Variants in ACSS3 observed in about 807,000 individuals in gnomAD.
ACSS3 encodes acyl-CoA synthetase short-chain family member 3, mitochondrial.
Under a neutral mutation model 84.2 loss-of-function variants are expected in ACSS3, and 64 were observed. The observed-to-expected ratio is 0.76, with a 90% CI of 0.62 to 0.94. The LOEUF is 0.94. Among genes scored for constraint, ACSS3 ranks in the 40% least tolerant of loss-of-function variants. The probability of loss-of-function intolerance (pLI) is 0.00; values close to 1 mark genes in which losing one functional copy is unlikely to be tolerated. For missense variants in ACSS3, 815 were observed against 867.6 expected (o/e 0.94, Z 0.76); for synonymous variants, 317 against 310.1 (o/e 1.02, Z -0.23).
chr12:81,153,676 G>A (rs1886727120), intron 7 of ACSS3, among the ~76,000 whole-genome samples: 1 of 152,170 alleles, frequency 6.6e-6, no homozygotes, highest in East Asian at 1.9e-4. Context: ...GGATTGTGAA[G>A]TAAAGGGAAT....
At chr12:81,120,148 G>A (rs1335127537) in intron 2 of ACSS3, among the ~76,000 whole-genome samples, 1 of 152,162 alleles carries the variant, frequency 6.6e-6, no homozygotes, top group African/African-American at 2.4e-5. Context: ...TATCCAAGAG[G>A]TGGATTTGAC....
chr12:81,126,834 G>T (rs1465026321), intron 2 of ACSS3, among the ~76,000 whole-genome samples: 1 of 152,048 alleles, frequency 6.6e-6, no homozygotes, highest in Admixed American at 6.6e-5. Flanking sequence ...AACTGGTAAT[G>T]AGAAAAATGA....
At chr12:81,205,412 T>G (rs550651775) in intron 9 of ACSS3, among the ~76,000 whole-genome samples, 2 of 152,242 alleles carry the variant, frequency 1.3e-5, no homozygotes, top group Non-Finnish European at 2.9e-5. Context: ...CTTAGGGATA[T>G]CTGGAGAAGA....
chr12:81,098,149 A>AGT (rs1297818893), intron 1 of ACSS3, among the ~76,000 whole-genome samples: 1,635 of 109,928 alleles, frequency 0.015, 51 homozygotes, highest in East Asian at 0.13. Context: ...AGAGAGAGAG[A>AGT]GAGTGTGTGT....
In ACSS3 at chr12:81,194,341, T is replaced by C. The variant is rs576460290; in HGVS notation, c.1251-5000T>C. ...TAGATTTGTATTCTGTTTATGTTCC[T>C]TAGTATTATACAATTAGCAGTCTGT... On this transcript the variant is annotated intron_variant, in intron 8 of 15. Coordinates refer to ENST00000548058, the MANE Select transcript of ACSS3 (RefSeq NM_024560.4). 5.0e-4 allele frequency among the ~76,000 whole-genome samples: 76 copies of C among 152,030 alleles called. 1 individual carries two copies. Among genetic ancestry groups the C allele is most frequent in the Admixed American group, 1.2e-3 (18 of 15,266 alleles).
intron 2 of ACSS3, chr12:81,125,863 T>A (rs1296648990): frequency 1.3e-5 from 2 of 152,238 alleles, no homozygotes; most frequent in Admixed American, 1.3e-4. Context: ...AAACCCAAAC[T>A]GTGGCCCCAT....
chr12:81,223,268 G>A (rs890268220), intron 11 of ACSS3, among the ~76,000 whole-genome samples: 3 of 151,998 alleles, frequency 2.0e-5, no homozygotes, highest in Non-Finnish European at 4.4e-5. Context: ...GCCATGGTGG[G>A]GTGCAAGGGA....
At chr12:81,248,146 A>T (rs920712760) in intron 13 of ACSS3, among the ~76,000 whole-genome samples, 1 of 151,984 alleles carries the variant, frequency 6.6e-6, no homozygotes, top group African/African-American at 2.4e-5. Context: ...AATAGCATGG[A>T]GATTTTTCGA....
At chr12:81,077,935 T>C, upstream of ACSS3, 1 of 650,022 alleles carries the variant, frequency 1.5e-6, no homozygotes, top group Non-Finnish European at 2.4e-6. Context: ...GCCCCCACTT[T>C]AGCCTGTTGC....
At chr12:81,092,851 G>A (rs965804509) in intron 1 of ACSS3, among the ~76,000 whole-genome samples, 4 of 152,094 alleles carry the variant, frequency 2.6e-5, no homozygotes, top group Non-Finnish European at 5.9e-5. Context: ...GATGTACTTC[G>A]TAACATTGTT....
At chr12:81,213,583 TCCC>T (rs1172110041) in intron 9 of ACSS3, among the ~76,000 whole-genome samples, 12,069 of 22,952 alleles carry the variant, frequency 0.53, 3,777 homozygotes, top group Non-Finnish European at 0.6. Flanking sequence ...TCTCCTCTCC[TCCC>T]CTCCCCTCCC....
At chr12:81,137,156 A>G (rs1885847591) in intron 3 of ACSS3, among the ~76,000 whole-genome samples, 1 of 151,454 alleles carries the variant, frequency 6.6e-6, no homozygotes, top group Admixed American at 6.6e-5. Context: ...TTCTTTTTAA[A>G]CATGTTGAGT....
In ACSS3 at chr12:81,131,663, G is replaced by T. The variant is rs185872474; in HGVS notation, c.457-3153G>T. Among the ~76,000 whole-genome samples the T allele has an allele frequency of 7.8e-4, 119 of 152,302 alleles. 1 individual carries two copies. Among genetic ancestry groups the T allele is most frequent in the African/African-American group, 2.8e-3 (118 of 41,564 alleles). On this transcript the variant is annotated intron_variant, in intron 2 of 15. Coordinates refer to ENST00000548058, the MANE Select transcript of ACSS3 (RefSeq NM_024560.4). ...CCCTGGCCAGAACTTCCAACACTAT[G>T]TTGAATAGGAGTGGTGAGAGAGGGC... is the stretch of plus-strand genomic sequence containing the variant.
At position 81,195,776 on chromosome 12, in the gene ACSS3, G is replaced by T. The variant is rs568782294; in HGVS notation, c.1251-3565G>T. Reference sequence around the variant, plus strand: ...AATTTCTTAACAATGACTAGTAATAGGTTATGCTCTTATCTGAAATTTAAA... The same window carrying T: ...AATTTCTTAACAATGACTAGTAATATGTTATGCTCTTATCTGAAATTTAAA... On this transcript the variant is annotated intron_variant, in intron 8 of 15. Coordinates refer to ENST00000548058, the MANE Select transcript of ACSS3 (RefSeq NM_024560.4). Among the ~76,000 whole-genome samples, 17 of 152,108 alleles carry T rather than the reference G, an allele frequency of 1.1e-4. No individual in the cohort carries two copies. In the South Asian group the frequency reaches 2.7e-3, roughly 24 times the overall value.
intron 5 of ACSS3, among the ~76,000 whole-genome samples, chr12:81,148,596 C>T (rs1886453950): frequency 6.6e-6 from 1 of 152,136 alleles, no homozygotes; most frequent in Admixed American, 6.6e-5. Context: ...TGTCTTTATT[C>T]AGGGCACAGA....
Position 81,243,231 on chromosome 12 carries a change from C to T in ACSS3, c.1719+9760C>T, listed in dbSNP as rs371824301. 2.5e-3 allele frequency among the ~76,000 whole-genome samples: 373 copies of T among 152,094 alleles called. 8 individuals carry two copies. In the East Asian group the frequency reaches 0.054, roughly 22 times the overall value. On this transcript the variant is annotated intron_variant, in intron 13 of 15. Transcript: ENST00000548058. ...ACACCAATAACAGACAAACAGAGAG[C>T]CAAATCATGAGTGAACTCCCATTCA...
In ACSS3 at chr12:81,253,426, C is replaced by A; in HGVS notation, c.1819+20C>A. 1 of 1,613,452 alleles carries A rather than the reference C, an allele frequency of 6.2e-7. No homozygotes were observed. The highest frequency in any genetic ancestry group is 8.5e-7 in the Non-Finnish European group (1 of 1,179,486). On this transcript the variant is annotated intron_variant, in intron 14 of 15. Coordinates refer to ENST00000548058, the MANE Select transcript of ACSS3 (RefSeq NM_024560.4). Reference sequence around the variant, plus strand: ...GAAAAGGTGAGAGATCTTTTTCTCCCTGATTGCTTGGGACCTGAATAATTA... The same window carrying A: ...GAAAAGGTGAGAGATCTTTTTCTCCATGATTGCTTGGGACCTGAATAATTA...
At chr12:81,090,909 T>C (rs1881625992) in intron 1 of ACSS3, among the ~76,000 whole-genome samples, 1 of 152,100 alleles carries the variant, frequency 6.6e-6, no homozygotes, top group Non-Finnish European at 1.5e-5. Context: ...TTATATAAAA[T>C]AGTGTAATAT....
At chr12:81,109,003 T>C (rs4573754) in intron 1 of ACSS3, among the ~76,000 whole-genome samples, 48,058 of 152,154 alleles carry the variant, frequency 0.32, 7,828 homozygotes, top group Admixed American at 0.44. Flanking sequence ...ATGTCCCTTC[T>C]TTATTCAAAT....
Sources: gnomAD v4.1 joint callset for allele counts (sites outside exome capture counted in the v4.1 genomes callset) on GRCh38, gnomAD v4.1.1 for gene constraint, MANE v1.5 for transcripts, NCBI Gene and HGNC (gene_info 2026-07-23, HGNC 2026-07-21) for gene names.